The following KHDRBS2 variants were observed in gnomAD, a reference collection of about 807,000 sequenced individuals.
The protein encoded by KHDRBS2 is KH RNA binding domain containing, signal transduction associated 2, also known as KH domain-containing, RNA-binding, signal transduction-associated protein 2.
In KHDRBS2, 26 loss-of-function variants were observed where a neutral mutation model predicts 44.3. The ratio of observed to expected loss-of-function variants is 0.59; its 90% CI spans 0.43 to 0.81. The LOEUF (loss-of-function observed/expected upper bound fraction) is 0.81, where lower values mean the gene tolerates loss of function less well. KHDRBS2 is among the 40% of genes least tolerant of loss of function. The pLI is 0.00. For missense variants in KHDRBS2, 476 were observed against 433.1 expected, an observed-to-expected ratio of 1.10 and a Z score of -0.88; for synonymous variants, 194 against 151.1, an observed-to-expected ratio of 1.28 and a Z score of -2.08.
intron 4 of KHDRBS2, among the ~76,000 whole-genome samples, chr6:61,934,987 A>G (rs1456925242): frequency 5.3e-5 from 8 of 152,176 alleles, no homozygotes; most frequent in Non-Finnish European, 1.2e-4. Flanking sequence ...AGTTTCTTCC[A>G]TTCTCTCTCA....
intron 2 of KHDRBS2, among the ~76,000 whole-genome samples, chr6:62,124,131 A>T (rs1808384931): frequency 6.6e-6 from 1 of 152,180 alleles, no homozygotes; most frequent in South Asian, 2.1e-4. Context: ...GGGAATCTAA[A>T]TATCAGTACC....
intron 3 of KHDRBS2, among the ~76,000 whole-genome samples, chr6:62,004,914 A>C (rs1409801422): frequency 6.6e-6 from 1 of 152,188 alleles, no homozygotes; most frequent in African/African-American, 2.4e-5. Flanking sequence ...GACAAAAACC[A>C]CATGATTTTC....
chr6:61,583,235 C>A, the KHDRBS2 span, among the ~76,000 whole-genome samples: 1 of 151,736 alleles, frequency 6.6e-6, no homozygotes, highest in Non-Finnish European at 1.5e-5. Flanking sequence ...CAAACAGTGT[C>A]CACCTTTTTT....
chr6:62,045,770 G>A (rs1015918254), intron 3 of KHDRBS2, among the ~76,000 whole-genome samples: 10 of 151,740 alleles, frequency 6.6e-5, no homozygotes, highest in Middle Eastern at 3.4e-3. Context: ...TGTTTATGTC[G>A]TGATGCAGAG....
intron 4 of KHDRBS2, among the ~76,000 whole-genome samples, chr6:61,931,246 A>T (rs1477135280): frequency 6.6e-6 from 1 of 152,072 alleles, no homozygotes; most frequent in Non-Finnish European, 1.5e-5. Flanking sequence ...GCTAAATAAA[A>T]TTGATTTAGA....
chr6:61,632,391 G>A, the KHDRBS2 span, among the ~76,000 whole-genome samples: 2 of 152,144 alleles, frequency 1.3e-5, no homozygotes, highest in South Asian at 2.1e-4. Flanking sequence ...ATTGTACTAG[G>A]CGTTTTACTA....
chr6:62,143,090 T>C lies in KHDRBS2; in HGVS notation c.219+34095A>G, dbSNP rs1813201401. 3.9e-5 allele frequency among the ~76,000 whole-genome samples: 6 copies of C among 152,014 alleles called. No homozygotes were observed. In the South Asian group the frequency reaches 1.2e-3, roughly 31 times the overall value. ...ATAACAGAGTTACCTTAAAGCTAAT[T>C]ATAACATAATTGACTTATTCTGGTT... On this transcript the variant is annotated intron_variant, in intron 2 of 8. Coordinates refer to ENST00000281156, the MANE Select transcript of KHDRBS2 (RefSeq NM_152688.4).
chr6:62,106,673 C>G (rs1007273584), intron 2 of KHDRBS2, among the ~76,000 whole-genome samples: 1 of 152,154 alleles, frequency 6.6e-6, no homozygotes, highest in Non-Finnish European at 1.5e-5. Context: ...CCTTGATGAA[C>G]ATTGATGCAA....
the KHDRBS2 span, among the ~76,000 whole-genome samples, chr6:61,661,049 T>G: frequency 3.2e-4 from 48 of 151,956 alleles, no homozygotes; most frequent in East Asian, 9.2e-3. Flanking sequence ...ACACAGAAAT[T>G]GTGTGCATAT....
At chr6:62,238,100 A>C (rs1833999092) in intron 1 of KHDRBS2, among the ~76,000 whole-genome samples, 1 of 152,054 alleles carries the variant, frequency 6.6e-6, no homozygotes, top group Non-Finnish European at 1.5e-5. Context: ...AAAAGCAAAG[A>C]TAGCGCTTAA....
chr6:61,597,773 T>TATACACAC, the KHDRBS2 span, among the ~76,000 whole-genome samples: 9 of 42,356 alleles, frequency 2.1e-4, 1 homozygote, highest in Non-Finnish European at 3.8e-4. Context: ...TATATATATA[T>TATACACAC]ACACCAAGAT....
intron 6 of KHDRBS2, among the ~76,000 whole-genome samples, chr6:61,869,983 T>G (rs1343261272): frequency 1.1e-5 from 1 of 92,094 alleles, no homozygotes; most frequent in African/African-American, 3.6e-5. Flanking sequence ...TTTTTTTTTT[T>G]TTTTCCCCAT....
chr6:61,622,669 A>C, the KHDRBS2 span, among the ~76,000 whole-genome samples: 1 of 152,200 alleles, frequency 6.6e-6, no homozygotes, highest in Non-Finnish European at 1.5e-5. Context: ...ATTCTAAACA[A>C]AGTGGAAATG....
In KHDRBS2 at chr6:62,109,108, A is replaced by T. The variant is rs555203226; in HGVS notation, c.220-61114T>A. Among the ~76,000 whole-genome samples the T allele has an allele frequency of 5.0e-4, 76 of 151,892 alleles. 1 individual carries two copies. Among genetic ancestry groups the T allele is most frequent in the Middle Eastern group, 6.8e-3 (2 of 294 alleles). ...AACTTAAAGTATAATAATAAAAAAA[A>T]AAAAGAAGCCAACAGTTGTATAAAA... On this transcript the variant is annotated intron_variant, in intron 2 of 8. Coordinates refer to ENST00000281156, the MANE Select transcript of KHDRBS2 (RefSeq NM_152688.4).
At chr6:61,666,414 C>T in the KHDRBS2 span, among the ~76,000 whole-genome samples, 10 of 151,334 alleles carry the variant, frequency 6.6e-5, no homozygotes, top group African/African-American at 1.9e-4. Context: ...CTTCCTTCTA[C>T]GTTGCAGGAT....
At chr6:62,118,094 G>C (rs142133899) in intron 2 of KHDRBS2, among the ~76,000 whole-genome samples, 1 of 152,134 alleles carries the variant, frequency 6.6e-6, no homozygotes, top group East Asian at 1.9e-4. Context: ...ATTTTTGTAC[G>C]TGGTGAGAGA....
chr6:61,635,568 C>CT, the KHDRBS2 span, among the ~76,000 whole-genome samples: 12 of 151,886 alleles, frequency 7.9e-5, no homozygotes, highest in Non-Finnish European at 1.6e-4. Flanking sequence ...TTGTCCTGCC[C>CT]TAATGTTTCA....
At chr6:61,819,182 TA>T in intron 6 of KHDRBS2, among the ~76,000 whole-genome samples, 1 of 152,026 alleles carries the variant, frequency 6.6e-6, no homozygotes, top group Non-Finnish European at 1.5e-5. Flanking sequence ...GTGTAAACTA[TA>T]AAATGATTTC....
At chr6:61,586,839 A>G in the KHDRBS2 span, among the ~76,000 whole-genome samples, 2 of 152,156 alleles carry the variant, frequency 1.3e-5, no homozygotes, top group African/African-American at 4.8e-5. Context: ...GCCTGAAGCC[A>G]GCTTCATCCT....
Sources: gnomAD v4.1 joint callset for allele counts (sites outside exome capture counted in the v4.1 genomes callset) on GRCh38, gnomAD v4.1.1 for gene constraint, MANE v1.5 for transcripts, NCBI Gene and HGNC (gene_info 2026-07-23, HGNC 2026-07-21) for gene names.